UBE2G1: variants seen among roughly 807,000 people sequenced by gnomAD.
UBE2G1 encodes ubiquitin conjugating enzyme E2 G1, also known as ubiquitin-conjugating enzyme E2 G1.
A neutral mutation model predicts 22.7 loss-of-function variants in UBE2G1; 5 were observed. The ratio of observed to expected loss-of-function variants is 0.22; its 90% CI spans 0.12 to 0.46. The LOEUF (loss-of-function observed/expected upper bound fraction) is 0.46, where lower values mean the gene tolerates loss of function less well. Among genes scored for constraint, UBE2G1 ranks in the 20% least tolerant of loss-of-function variants. UBE2G1 has a pLI of 0.99. For missense variants in UBE2G1, 88 were observed against 203.9 expected, an observed-to-expected ratio of 0.43 and a Z score of 3.46; for synonymous variants, 74 against 67.5, an observed-to-expected ratio of 1.10 and a Z score of -0.47.
intron 1 of UBE2G1, among the ~76,000 whole-genome samples, chr17:4,348,255 C>A (rs996149985): frequency 1.3e-5 from 2 of 151,946 alleles, no homozygotes; most frequent in Non-Finnish European, 2.9e-5. Flanking sequence ...AAGACCCTGT[C>A]TGTAAAGAAA....
chr17:4,310,306 G>A (rs1394964776), intron 1 of UBE2G1, among the ~76,000 whole-genome samples: 2 of 152,124 alleles, frequency 1.3e-5, no homozygotes, highest in Admixed American at 6.6e-5. Flanking sequence ...GATCCCCAGA[G>A]AAGTAAACAG....
At chr17:4,347,352 C>T (rs1362206290) in intron 1 of UBE2G1, among the ~76,000 whole-genome samples, 1 of 151,518 alleles carries the variant, frequency 6.6e-6, no homozygotes, top group East Asian at 1.9e-4. Flanking sequence ...ACTTCAGTTA[C>T]TGTGTTTTTA....
intron 2 of UBE2G1, among the ~76,000 whole-genome samples, chr17:4,299,087 GT>G (rs1291057968): frequency 6.6e-6 from 1 of 152,074 alleles, no homozygotes; most frequent in African/African-American, 2.4e-5. Context: ...CACTATCAAA[GT>G]TTTTTTGTTA....
intron 5 of UBE2G1, among the ~76,000 whole-genome samples, chr17:4,275,459 A>G (rs148823144): frequency 6.6e-6 from 1 of 152,326 alleles, no homozygotes; most frequent in East Asian, 1.9e-4. Flanking sequence ...ATATCTTCTC[A>G]GAATTATGCC....
chr17:4,351,067 T>C (rs1415822053), intron 1 of UBE2G1, among the ~76,000 whole-genome samples: 9 of 145,394 alleles, frequency 6.2e-5, no homozygotes, highest in African/African-American at 1.8e-4. Context: ...GGTGTAGTGG[T>C]GCGTGCCTGT....
intron 4 of UBE2G1, among the ~76,000 whole-genome samples, chr17:4,287,547 T>C (rs916932549): frequency 6.6e-6 from 1 of 152,218 alleles, no homozygotes; most frequent in Non-Finnish European, 1.5e-5. Flanking sequence ...TTGTTTAGAC[T>C]AATACTTGAT....
At chr17:4,290,779 CT>C (rs34313850) in intron 3 of UBE2G1, among the ~76,000 whole-genome samples, 6,889 of 117,784 alleles carry the variant, frequency 0.058, 299 homozygotes, top group African/African-American at 0.11. Context: ...CCATTCCTGG[CT>C]TTTTTTTTTT....
At chr17:4,302,595 G>T in intron 2 of UBE2G1, 2 of 392,788 alleles carry the variant, frequency 5.1e-6, no homozygotes, top group South Asian at 2.2e-5. Context: ...GATTCTATGT[G>T]ACTTTTATCT....
At chr17:4,320,776 T>C (rs527803061) in intron 1 of UBE2G1, among the ~76,000 whole-genome samples, 1 of 152,298 alleles carries the variant, frequency 6.6e-6, no homozygotes, top group East Asian at 1.9e-4. Context: ...CACCATATAC[T>C]ATACAGAAAT....
intron 1 of UBE2G1, among the ~76,000 whole-genome samples, chr17:4,322,614 G>A (rs959668039): frequency 2.0e-5 from 3 of 152,144 alleles, no homozygotes; most frequent in African/African-American, 7.2e-5. Context: ...AGAAAATGGG[G>A]TGTCCTGGGA....
chr17:4,352,495 C>T (rs9891845), intron 1 of UBE2G1, among the ~76,000 whole-genome samples: 12,652 of 152,180 alleles, frequency 0.083, 1,773 homozygotes, highest in African/African-American at 0.29. Context: ...TTGGAAACTA[C>T]GGTCAGAAAG....
At chr17:4,336,970 G>C (rs1969655338) in intron 1 of UBE2G1, among the ~76,000 whole-genome samples, 1 of 152,094 alleles carries the variant, frequency 6.6e-6, no homozygotes, top group Non-Finnish European at 1.5e-5. Flanking sequence ...CAGGAAAGTA[G>C]AAATAGTCTA....
Position 4,269,351 on chromosome 17 carries a change from CAT to C in UBE2G1, c.*3201_*3202del, listed in dbSNP as rs900038215. ...ACAGTAAACATCACAACAGAACTCACATAGTTAAATACAATCAACAAATTACA... is the reference window on the plus strand; with the variant it reads ...ACAGTAAACATCACAACAGAACTCACAGTTAAATACAATCAACAAATTACA... On this transcript the variant is annotated 3_prime_UTR_variant, in exon 6 of 6. Coordinates refer to ENST00000396981, the MANE Select transcript of UBE2G1 (RefSeq NM_003342.5). 6.6e-6 allele frequency: 1 copy of C among 152,404 alleles called. No individual in the cohort carries two copies. The highest frequency in any genetic ancestry group is 1.5e-5 in the Non-Finnish European group (1 of 68,050). The allele number at this position is 152,404 out of a possible 1,614,324, so 9.4% of individuals were successfully genotyped here.
At chr17:4,287,543 A>G (rs1467044356) in intron 4 of UBE2G1, among the ~76,000 whole-genome samples, 4 of 152,222 alleles carry the variant, frequency 2.6e-5, no homozygotes, top group Admixed American at 2.6e-4. Context: ...TACATTGTTT[A>G]GACTAATACT....
chr17:4,332,427 T>C (rs1406378235), intron 1 of UBE2G1, among the ~76,000 whole-genome samples: 1 of 152,140 alleles, frequency 6.6e-6, no homozygotes, highest in Non-Finnish European at 1.5e-5. Context: ...CTATGGAAAA[T>C]ACCTTCCCTA....
At chr17:4,349,223 G>A (rs183568240) in intron 1 of UBE2G1, among the ~76,000 whole-genome samples, 3 of 152,230 alleles carry the variant, frequency 2.0e-5, no homozygotes, top group African/African-American at 4.8e-5. Context: ...AGGATGCTGA[G>A]GCAGGAGAAT....
At chr17:4,314,527 T>A (rs1396824111) in intron 1 of UBE2G1, among the ~76,000 whole-genome samples, 1 of 152,216 alleles carries the variant, frequency 6.6e-6, no homozygotes, top group Non-Finnish European at 1.5e-5. Flanking sequence ...GAATCAACAT[T>A]TAGTGTGATC....
chr17:4,272,473 G>C lies in UBE2G1; in HGVS notation c.*81C>G, dbSNP rs1968772556. The stretch of plus-strand genomic sequence containing the variant: ...TACAACAGAAGTCCAGCAATAGGTG[G>C]GTAGAGTGCAGGAAAAACAGTGCCA... On this transcript the variant is annotated 3_prime_UTR_variant, in exon 6 of 6. Coordinates refer to ENST00000396981, the MANE Select transcript of UBE2G1 (RefSeq NM_003342.5). 5.4e-6 allele frequency: 1 copy of C among 186,732 alleles called. No homozygotes were observed. The highest frequency in any genetic ancestry group is 1.1e-5 in the Non-Finnish European group (1 of 88,800). 11.6% of individuals were successfully genotyped at this position (186,732 alleles called of 1,614,324 possible).
chr17:4,355,322 C>T (rs982000113), intron 1 of UBE2G1, among the ~76,000 whole-genome samples: 3 of 151,116 alleles, frequency 2.0e-5, no homozygotes, highest in Admixed American at 6.6e-5. Flanking sequence ...TCACTAAGCC[C>T]GGCCTGCCAG....
Sources: allele counts gnomAD v4.1 joint callset (sites outside exome capture counted in the v4.1 genomes callset), GRCh38; gene constraint gnomAD v4.1.1; transcripts MANE v1.5; gene names NCBI Gene and HGNC (gene_info 2026-07-23, HGNC 2026-07-21).